MYPN: variants seen among roughly 807,000 people sequenced by gnomAD.
MYPN encodes sarcomeric protein myopalladin, 145 kDa (MYOP).
A neutral mutation model predicts 129.4 loss-of-function variants in MYPN; 63 were observed. The ratio of observed to expected loss-of-function variants is 0.49; its 90% CI spans 0.40 to 0.60. The LOEUF is 0.60. Ranked by LOEUF, MYPN falls within the 20% of genes least tolerant of loss-of-function variation. The pLI is 0.00. For missense variants in MYPN, 1,596 were observed against 1,635.4 expected (o/e 0.98, Z 0.42); for synonymous variants, 629 against 600.9 (o/e 1.05, Z -0.68).
intron 11 of MYPN, 47 bp downstream of exon 11, chr10:68,174,703 G>A (rs770319739): frequency 3.1e-5 from 48 of 1,559,658 alleles, no homozygotes; most frequent in East Asian, 4.5e-5. Context: ...GTTAAGAGTC[G>A]ATGTGCACAT....
chr10:68,144,915 G>T (rs1381794691), intron 3 of MYPN, among the ~76,000 whole-genome samples: 1 of 152,130 alleles, frequency 6.6e-6, no homozygotes, highest in Non-Finnish European at 1.5e-5. Context: ...CAGTTAATTT[G>T]AACAGTGCCA....
chr10:68,147,447 G>A (rs1156485820), intron 4 of MYPN, among the ~76,000 whole-genome samples: 5 of 152,118 alleles, frequency 3.3e-5, no homozygotes, highest in African/African-American at 7.2e-5. Context: ...GTGAGCCACC[G>A]TGCCCCCTCC....
At chr10:68,149,432 G>A (rs138368477) in intron 5 of MYPN, among the ~76,000 whole-genome samples, 1 of 151,138 alleles carries the variant, frequency 6.6e-6, no homozygotes, top group East Asian at 1.9e-4. Flanking sequence ...TGTTATTGAT[G>A]TATTTCTTTT....
At chr10:68,113,332 G>A (rs1301040175) in intron 1 of MYPN, among the ~76,000 whole-genome samples, 1 of 152,122 alleles carries the variant, frequency 6.6e-6, no homozygotes, top group Non-Finnish European at 1.5e-5. Context: ...CCAGATTTAG[G>A]TTACTTAGGA....
intron 12 of MYPN, among the ~76,000 whole-genome samples, chr10:68,182,447 TATAACATATATATATAAC>T (rs2043346984): frequency 3.0e-5 from 3 of 100,042 alleles, no homozygotes; most frequent in African/African-American, 7.5e-5. Flanking sequence ...ATAACATATA[TATAACATATATATATAAC>T]ATATATACAC....
intron 12 of MYPN, among the ~76,000 whole-genome samples, chr10:68,185,821 A>C (rs914840406): frequency 6.7e-6 from 1 of 149,440 alleles, no homozygotes; most frequent in African/African-American, 2.4e-5. Context: ...CATGAATACA[A>C]TCCAACAAAG....
At chr10:68,182,425 T>TATAA (rs1564687117) in intron 12 of MYPN, among the ~76,000 whole-genome samples, 1 of 100,842 alleles carries the variant, frequency 9.9e-6, no homozygotes, top group Admixed American at 1.2e-4. Context: ...AACATATATA[T>TATAA]AACACATATA....
rs1459569183 is a variant in MYPN, at chr10:68,189,062, T to A, written c.2861T>A (p.Phe954Tyr). 6.2e-7 allele frequency: 1 copy of A among 1,614,168 alleles called. No individual in the cohort carries two copies. The change falls in exon 13 of 20, where the codon TTC becomes TAC. Residue 954 changes from phenylalanine (F) to tyrosine (Y), a missense_variant. Coordinates refer to ENST00000358913, the MANE Select transcript of MYPN (RefSeq NM_032578.4). Reference sequence around the variant, plus strand: ...ATCTTTGACAAGAGACTCAAGCACTTCCGGGTCACAGAAGGCTCTCCAGTT... The same window carrying A: ...ATCTTTGACAAGAGACTCAAGCACTACCGGGTCACAGAAGGCTCTCCAGTT... ...APIFDKRLKHFRVTEGSPVTF... is the reference protein window; with the variant it reads ...APIFDKRLKHYRVTEGSPVTF...
At chr10:68,127,622 C>T (rs2042347378) in intron 2 of MYPN, among the ~76,000 whole-genome samples, 2 of 151,910 alleles carry the variant, frequency 1.3e-5, no homozygotes, top group Admixed American at 6.6e-5. Flanking sequence ...TGTGAGCCAC[C>T]GTGCCAAGCC....
Position 68,188,944 on chromosome 10 carries a change from G to A in MYPN, c.2743G>A (p.Glu915Lys), listed in dbSNP as rs1444106410. The change falls in exon 13 of 20, where the codon GAA becomes AAA. Residue 915 changes from glutamate (E) to lysine (K), a missense_variant. Coordinates refer to ENST00000358913, the MANE Select transcript of MYPN (RefSeq NM_032578.4). The part of the protein sequence containing the change: ...ISSFEQRLMN[E>K]IEFRLERTPV... ...AAGCTTTGAGCAGAGGCTGATGAAT[G>A]AAATAGAGTTTCGCTTGGAACGTAC... is the stretch of plus-strand genomic sequence containing the variant. The A allele has an allele frequency of 1.2e-6, 2 of 1,613,974 alleles. No individual in the cohort carries two copies. The highest frequency in any genetic ancestry group is 3.3e-5 in the Admixed American group (2 of 59,978).
chr10:68,182,330 ATAAC>A, intron 12 of MYPN, among the ~76,000 whole-genome samples: 1 of 53,588 alleles, frequency 1.9e-5, no homozygotes, highest in East Asian at 3.0e-4. Flanking sequence ...TAACATATAT[ATAAC>A]ACACACATAT....
intron 1 of MYPN, among the ~76,000 whole-genome samples, chr10:68,112,990 T>C (rs1276910960): frequency 6.6e-6 from 1 of 152,208 alleles, no homozygotes; most frequent in African/African-American, 2.4e-5. Context: ...AGAACTGACT[T>C]AGATACTTCT....
chr10:68,102,826 T>G (rs1484772876), upstream of MYPN, among the ~76,000 whole-genome samples: 1 of 152,214 alleles, frequency 6.6e-6, no homozygotes, highest in Non-Finnish European at 1.5e-5. Context: ...CCAGCTAAAT[T>G]TATCCCCATT....
upstream of MYPN, chr10:68,106,583 T>A (rs944650272): frequency 7.2e-6 from 5 of 696,614 alleles, no homozygotes; most frequent in African/African-American, 1.8e-5. Context: ...TATGTCAAGA[T>A]GAATCTATGA....
At chr10:68,126,791 G>A (rs777409189) in intron 2 of MYPN, among the ~76,000 whole-genome samples, 1 of 152,144 alleles carries the variant, frequency 6.6e-6, no homozygotes, top group Non-Finnish European at 1.5e-5. Flanking sequence ...AGTCTGAGGG[G>A]ACAGAAGGAC....
chr10:68,121,373 A>T, intron 1 of MYPN, 65 bp from the exon 2 acceptor site: 1 of 1,435,528 alleles, frequency 7.0e-7, no homozygotes, highest in Non-Finnish European at 9.6e-7. Flanking sequence ...CAGTGCTATA[A>T]TAGACATAGA....
At position 68,210,332 on chromosome 10, in the gene MYPN, T is replaced by A; in HGVS notation, c.3840T>A (p.Ser1280Arg). 12 of 1,614,044 alleles carry A rather than the reference T, an allele frequency of 7.4e-6. No homozygotes were observed. Among genetic ancestry groups the A allele is most frequent in the South Asian group, 1.1e-5 (1 of 91,060 alleles). ...CACCGCCCATGTCTGTCCGGCCCAG[T>A]GGCAGTCGCTACGGATCTCTCACCA... Reference protein sequence around the residue: ...QIPPPMSVRPSGSRYGSLTSK... With the variant: ...QIPPPMSVRPRGSRYGSLTSK... Residue 1280 changes from serine (S) to arginine (R), a missense_variant, in exon 20 of 20, where the codon AGT becomes AGA. Coordinates refer to ENST00000358913, the MANE Select transcript of MYPN (RefSeq NM_032578.4).
chr10:68,089,680 C>T (rs112784569), intron 1 of MYPN, among the ~76,000 whole-genome samples: 5 of 151,984 alleles, frequency 3.3e-5, no homozygotes, highest in African/African-American at 1.2e-4. Flanking sequence ...CTTAAGTGTG[C>T]GAGAAGAGAG....
intron 1 of MYPN, among the ~76,000 whole-genome samples, chr10:68,117,791 A>AT (rs2042179907): frequency 6.6e-6 from 1 of 151,032 alleles, no homozygotes; most frequent in Non-Finnish European, 1.5e-5. Context: ...AATAATAATA[A>AT]TAATTATTAT....
Sources: gnomAD v4.1 joint callset for allele counts (sites outside exome capture counted in the v4.1 genomes callset) on GRCh38, gnomAD v4.1.1 for gene constraint, MANE v1.5 for transcripts, NCBI Gene and HGNC (gene_info 2026-07-23, HGNC 2026-07-21) for gene names.